The following ZNF324B variants were observed in gnomAD, a reference collection of about 807,000 sequenced individuals.
ZNF324B encodes the protein zinc finger protein 324B.
In ZNF324B, 7 loss-of-function variants were observed where a neutral mutation model predicts 10.6. The ratio of observed to expected loss-of-function variants is 0.66; its 90% CI spans 0.38 to 1.24. The LOEUF (loss-of-function observed/expected upper bound fraction) is 1.24. Among genes scored for constraint, ZNF324B ranks in the 50% most tolerant of loss-of-function variants. The pLI, the probability that ZNF324B is intolerant of heterozygous loss-of-function variation, is 0.02. For synonymous variants in ZNF324B, 316 were observed against 321.0 expected (o/e 0.98, Z 0.17); for missense variants, 640 against 764.7 (o/e 0.84, Z 1.92).
At chr19:58,424,670 G>T in the ZNF324B span, among the ~76,000 whole-genome samples, 1 of 152,132 alleles carries the variant, frequency 6.6e-6, no homozygotes, top group Non-Finnish European at 1.5e-5. Flanking sequence ...CAGTTTGACA[G>T]TTCTTAAAAT....
chr19:58,439,135 G>A, the ZNF324B span, among the ~76,000 whole-genome samples: 1 of 152,142 alleles, frequency 6.6e-6, no homozygotes, highest in Non-Finnish European at 1.5e-5. Flanking sequence ...CCATGGCCCA[G>A]TTTGGGCAGA....
chr19:58,420,286 A>G, the ZNF324B span, among the ~76,000 whole-genome samples: 1 of 151,952 alleles, frequency 6.6e-6, no homozygotes, highest in Non-Finnish European at 1.5e-5. Flanking sequence ...CGGCATGGTG[A>G]CGGGCGCCTG....
the ZNF324B span, among the ~76,000 whole-genome samples, chr19:58,424,372 A>T: frequency 6.6e-6 from 1 of 152,204 alleles, no homozygotes; most frequent in South Asian, 2.1e-4. Flanking sequence ...AATAACACTT[A>T]TAACTCGATT....
the ZNF324B span, among the ~76,000 whole-genome samples, chr19:58,425,126 C>T: frequency 6.6e-6 from 1 of 152,028 alleles, no homozygotes; most frequent in Non-Finnish European, 1.5e-5. Context: ...CGTGGCGGTG[C>T]ACACCTGTAG....
chr19:58,437,642 G>A, the ZNF324B span: 1 of 910,444 alleles, frequency 1.1e-6, no homozygotes, highest in Non-Finnish European at 1.3e-6. Context: ...TCACTCCTCA[G>A]ACCATACAGT....
At chr19:58,427,436 T>C in the ZNF324B span, among the ~76,000 whole-genome samples, 1 of 44,668 alleles carries the variant, frequency 2.2e-5, no homozygotes, top group African/African-American at 1.3e-4. Context: ...CCTTCCTTCC[T>C]TCCTTCCTTT....
chr19:58,437,305 CT>C, the ZNF324B span: 2 of 1,405,554 alleles, frequency 1.4e-6, no homozygotes, highest in African/African-American at 2.9e-5. Context: ...ACTAATATCT[CT>C]TTTTCTTATG....
chr19:58,446,572 T>C, the ZNF324B span, among the ~76,000 whole-genome samples: 1 of 102,186 alleles, frequency 9.8e-6, no homozygotes, highest in Non-Finnish European at 2.0e-5. Flanking sequence ...AATTTCTTTC[T>C]CTTTTTTTTT....
chr19:58,442,908 G>C, the ZNF324B span: 3 of 152,422 alleles, frequency 2.0e-5, no homozygotes, highest in African/African-American at 7.2e-5. Flanking sequence ...CAGCATGGAA[G>C]AGGACCCGCG....
At chr19:58,425,563 C>T in the ZNF324B span, among the ~76,000 whole-genome samples, 2 of 151,414 alleles carry the variant, frequency 1.3e-5, no homozygotes, top group African/African-American at 4.9e-5. Context: ...CTCTGCCTGC[C>T]GGGTTCAAGC....
chr19:58,456,305 G>T lies in ZNF324B; in HGVS notation c.1361G>T (p.Arg454Leu). The T allele has an allele frequency of 3.7e-6, 6 of 1,612,764 alleles. No individual in the cohort carries two copies. In the South Asian group the frequency reaches 5.5e-5, roughly 15 times the overall value. The change falls in exon 4 of 4, where the codon CGC (arginine) becomes CTC (leucine). Residue 454 changes from arginine to leucine, a missense_variant. Physicochemically the swap from Arg to Leu is moderately radical, Grantham distance 102. Coordinates refer to ENST00000336614, the MANE Select transcript of ZNF324B (RefSeq NM_207395.3). The surrounding 1 kb of genome is among the most constrained non-coding windows in gnomAD (Gnocchi z 4.7). ...CTGCACACGGGCGAGCGGCCCTTCCGCTGCGTGGACTGTGGCAAGGGTTTC... is the reference window on the plus strand; with the variant it reads ...CTGCACACGGGCGAGCGGCCCTTCCTCTGCGTGGACTGTGGCAAGGGTTTC... ...QLLHTGERPF[R>L]CVDCGKGFAK...
chr19:58,454,154 C>T, intron 2 of ZNF324B, 74 bp from the exon 3 acceptor site: 3 of 977,010 alleles, frequency 3.1e-6, no homozygotes, highest in Non-Finnish European at 4.9e-6. Context: ...TCCATGAAGC[C>T]CTGACTCCTG....
the ZNF324B span, chr19:58,430,896 T>G: frequency 6.6e-5 from 10 of 152,214 alleles, no homozygotes; most frequent in African/African-American, 2.4e-4. Flanking sequence ...CAGCATCTTC[T>G]CACTCAGCTC....
rs2052925845 is a variant in ZNF324B at position 58,456,585 on chromosome 19, C to T, written c.*6C>T. 6.2e-7 allele frequency: 1 copy of T among 1,611,108 alleles called. No individual in the cohort carries two copies. The highest frequency in any genetic ancestry group is 8.5e-7 in the Non-Finnish European group (1 of 1,178,168). On this transcript the variant is annotated 3_prime_UTR_variant, in exon 4 of 4. Transcript: ENST00000336614. This position sits in a 1 kb window ranked among gnomAD's most constrained non-coding sequence, Gnocchi z 4.7. ...TGAAGCCAGCGAAGGTCTGAGGTCACAGGTCGCAGCCCAACCCTTTCTTGG... is the reference window on the plus strand; with the variant it reads ...TGAAGCCAGCGAAGGTCTGAGGTCATAGGTCGCAGCCCAACCCTTTCTTGG...
the ZNF324B span, among the ~76,000 whole-genome samples, chr19:58,427,452 C>CCTTTCCCTTCCTT: frequency 4.8e-3 from 227 of 46,892 alleles, 16 homozygotes; most frequent in East Asian, 7.4e-3. Flanking sequence ...CCTTTCCTTT[C>CCTTTCCCTTCCTT]CCTTCCTTCC....
In ZNF324B at chr19:58,456,682, G is replaced by C; in HGVS notation, c.*103G>C. ...GATCCACGATGGGGAAAAGCTCTGTGCCTGAGAGTCAGGGACGAGGGAGAC... is the reference window on the plus strand; with the variant it reads ...GATCCACGATGGGGAAAAGCTCTGTCCCTGAGAGTCAGGGACGAGGGAGAC... On this transcript the variant is annotated 3_prime_UTR_variant, in exon 4 of 4. Coordinates refer to ENST00000336614, the MANE Select transcript of ZNF324B (RefSeq NM_207395.3). This position sits in a 1 kb window ranked among gnomAD's most constrained non-coding sequence, Gnocchi z 4.7. The C allele has an allele frequency of 3.6e-6, 5 of 1,385,436 alleles. No homozygotes were observed. Among genetic ancestry groups the C allele is most frequent in the Non-Finnish European group, 3.9e-6 (4 of 1,027,624 alleles). 85.8% of individuals were successfully genotyped at this position (1,385,436 alleles called of 1,614,324 possible).
chr19:58,422,963 G>A, the ZNF324B span, among the ~76,000 whole-genome samples: 10 of 151,824 alleles, frequency 6.6e-5, no homozygotes, highest in African/African-American at 2.2e-4. Flanking sequence ...TCCGCCTCCC[G>A]GGTTCACACC....
the ZNF324B span, chr19:58,444,446 G>A: frequency 0.17 from 25,745 of 152,150 alleles, 2,401 homozygotes; most frequent in Non-Finnish European, 0.21. Flanking sequence ...TCCAGCTTGG[G>A]CAACATAACG....
chr19:58,418,646 C>G, the ZNF324B span: 1 of 149,808 alleles, frequency 6.7e-6, no homozygotes, highest in East Asian at 2.0e-4. Context: ...GTCTCACAGT[C>G]TTGCCCAGGC....
Sources: gnomAD v4.1 joint callset for allele counts (sites outside exome capture counted in the v4.1 genomes callset) on GRCh38, gnomAD v4.1.1 for gene constraint, Gnocchi (gnomAD v3.1) non-coding constraint, MANE v1.5 for transcripts, NCBI Gene and HGNC (gene_info 2026-07-23, HGNC 2026-07-21) for gene names.